The following TEX11 variants were observed in gnomAD, a reference collection of about 807,000 sequenced individuals.
TEX11 encodes the protein testis-expressed protein 11.
A neutral mutation model predicts 84.4 loss-of-function variants in TEX11; 7 were observed. That is an observed-to-expected ratio of 0.08 (90% CI 0.05 to 0.16). The LOEUF (loss-of-function observed/expected upper bound fraction) is 0.16. TEX11 is among the 10% of genes least tolerant of loss of function. TEX11 has a pLI of 1.00. For synonymous variants in TEX11, 264 were observed against 222.8 expected (o/e 1.18, Z -1.64); for missense variants, 551 against 660.5 (o/e 0.83, Z 1.82).
intron 28 of TEX11, among the ~76,000 whole-genome samples, chrX:70,550,531 C>T (rs1235917608): frequency 2.7e-5 from 3 of 111,645 alleles, no homozygotes. Context: ...ATATACAGAG[C>T]TCAAACAACT....
intron 14 of TEX11, among the ~76,000 whole-genome samples, chrX:70,681,790 T>C (rs2090149806): frequency 9.0e-6 from 1 of 111,492 alleles, no homozygotes; most frequent in East Asian, 2.8e-4. Context: ...TTATCAAAAC[T>C]GGGTCTAAAA....
intron 9 of TEX11, among the ~76,000 whole-genome samples, chrX:70,768,172 A>G (rs1602111494): frequency 8.9e-6 from 1 of 111,928 alleles, no homozygotes; most frequent in African/African-American, 3.2e-5. Flanking sequence ...TAAATGCTCG[A>G]AGGCATAGAT....
rs549201546 is a variant in TEX11, at chrX:70,808,107, C to CAAA, written c.607-1320_607-1318dup. 4.3e-3 allele frequency among the ~76,000 whole-genome samples: 139 copies of CAAA among 32,603 alleles called. 19 individuals are homozygous for CAAA. The highest frequency in any genetic ancestry group is 5.0e-3 in the Non-Finnish European group (110 of 21,806). 28.3% of individuals were successfully genotyped at this position (32,603 alleles called of 115,157 possible). ...TGGATGACAGAGTGAGACTCTGTCT[C>CAAA]AAAAAAAAAAAAAAAAAAAAAAAAA... On this transcript the variant is annotated intron_variant, in intron 8 of 29. Coordinates refer to ENST00000374333, the MANE Select transcript of TEX11 (RefSeq NM_031276.3).
chrX:70,650,144 G>A (rs752082977), intron 17 of TEX11, among the ~76,000 whole-genome samples: 17 of 111,590 alleles, frequency 1.5e-4, no homozygotes, highest in Non-Finnish European at 2.6e-4. Context: ...TGAAAGTGGT[G>A]AGAAGGAGTA....
intron 2 of TEX11, among the ~76,000 whole-genome samples, chrX:70,886,865 A>T (rs975030485): frequency 1.8e-5 from 2 of 112,053 alleles, no homozygotes; most frequent in Non-Finnish European, 3.8e-5. Context: ...AAGAGCTGAC[A>T]ATATCATGCT....
chrX:70,830,230 C>T (rs752755494), intron 8 of TEX11, among the ~76,000 whole-genome samples: 1 of 111,134 alleles, frequency 9.0e-6, no homozygotes, highest in Non-Finnish European at 1.9e-5. Flanking sequence ...TTATATCAGA[C>T]AAAATGGATT....
intron 16 of TEX11, among the ~76,000 whole-genome samples, chrX:70,665,284 A>G (rs1407697718): frequency 9.0e-6 from 1 of 111,650 alleles, no homozygotes; most frequent in Non-Finnish European, 1.9e-5. Flanking sequence ...CTGTCAACTA[A>G]CATTAAGGTT....
intron 11 of TEX11, among the ~76,000 whole-genome samples, chrX:70,727,968 T>C (rs962818071): frequency 8.9e-6 from 1 of 112,586 alleles, no homozygotes; most frequent in African/African-American, 3.2e-5. Context: ...GCCAACACAA[T>C]TATTTAGTTT....
chrX:70,549,665 G>A (rs968576179), intron 28 of TEX11, among the ~76,000 whole-genome samples: 5 of 111,935 alleles, frequency 4.5e-5, no homozygotes, highest in South Asian at 3.7e-4. Context: ...TGGTGGCCAC[G>A]GGGAGAGACT....
At chrX:70,578,117 C>T (rs192129399) in intron 25 of TEX11, among the ~76,000 whole-genome samples, 13 of 112,301 alleles carry the variant, frequency 1.2e-4, no homozygotes, top group Non-Finnish European at 2.1e-4. Context: ...AATGTAACTC[C>T]TAGATTGTTT....
At chrX:70,719,355 C>A (rs2147714905) in intron 13 of TEX11, among the ~76,000 whole-genome samples, 1 of 111,728 alleles carries the variant, frequency 9.0e-6, no homozygotes, top group Non-Finnish European at 1.9e-5. Flanking sequence ...GTTATTTTGA[C>A]CAGTCTACAT....
At chrX:70,800,687 C>CTTTT (rs60458912) in intron 9 of TEX11, among the ~76,000 whole-genome samples, 3 of 62,313 alleles carry the variant, frequency 4.8e-5, no homozygotes, top group Non-Finnish European at 9.6e-5. Context: ...ATTTCATGTG[C>CTTTT]TTTTTTTTTT....
intron 25 of TEX11, among the ~76,000 whole-genome samples, chrX:70,566,538 G>A (rs1208681968): frequency 9.0e-6 from 1 of 111,014 alleles, no homozygotes; most frequent in Non-Finnish European, 1.9e-5. Context: ...TTGGCTGTGG[G>A]TTTGTCATAG....
chrX:70,647,981 C>G (rs951667392), intron 17 of TEX11, among the ~76,000 whole-genome samples: 1 of 111,851 alleles, frequency 8.9e-6, no homozygotes, highest in Non-Finnish European at 1.9e-5. Flanking sequence ...TATTGCAGCA[C>G]TATTCACGAT....
chrX:70,601,888 G>A (rs1027401470), intron 24 of TEX11, among the ~76,000 whole-genome samples: 1 of 109,955 alleles, frequency 9.1e-6, no homozygotes, highest in African/African-American at 3.3e-5. Flanking sequence ...CAAGGCAGAA[G>A]AATTTCTCTT....
intron 7 of TEX11, among the ~76,000 whole-genome samples, chrX:70,841,710 T>A (rs1460032225): frequency 1.8e-5 from 2 of 111,309 alleles, no homozygotes; most frequent in South Asian, 3.8e-4. Context: ...TTTGAAAAGA[T>A]CAACGAAATT....
chrX:70,754,450 A>G (rs2090852870), intron 9 of TEX11, among the ~76,000 whole-genome samples: 2 of 111,481 alleles, frequency 1.8e-5, no homozygotes, highest in Admixed American at 9.6e-5. Context: ...AGCACTGGGT[A>G]AATATCTAAG....
chrX:70,552,947 G>A (rs756580812), intron 27 of TEX11, among the ~76,000 whole-genome samples: 12 of 111,135 alleles, frequency 1.1e-4, no homozygotes, highest in Non-Finnish European at 2.1e-4. Flanking sequence ...AATAAATCTG[G>A]GTGGTGGATA....
At chrX:70,680,603 C>A (rs1248365558) in intron 14 of TEX11, among the ~76,000 whole-genome samples, 2 of 108,354 alleles carry the variant, frequency 1.8e-5, no homozygotes, top group Non-Finnish European at 3.8e-5. Context: ...AAAAGAATCT[C>A]GGTCTATTAC....
Sources: allele counts gnomAD v4.1 joint callset (sites outside exome capture counted in the v4.1 genomes callset), GRCh38; gene constraint gnomAD v4.1.1; transcripts MANE v1.5; gene names NCBI Gene and HGNC (gene_info 2026-07-23, HGNC 2026-07-21).